The following TADA1 variants were observed in gnomAD, a reference collection of about 807,000 sequenced individuals.
The protein encoded by TADA1 is transcriptional adapter 1.
In TADA1, 23 loss-of-function variants were observed where a neutral mutation model predicts 39.3. The observed-to-expected ratio is 0.58, with a 90% CI of 0.42 to 0.83. The LOEUF (loss-of-function observed/expected upper bound fraction) is 0.83. Among genes scored for constraint, TADA1 ranks in the 40% least tolerant of loss-of-function variants. The pLI, the probability that TADA1 is intolerant of heterozygous loss-of-function variation, is 0.00. For missense variants in TADA1, 352 were observed against 408.1 expected, an observed-to-expected ratio of 0.86 and a Z score of 1.18; for synonymous variants, 137 against 151.8, an observed-to-expected ratio of 0.90 and a Z score of 0.72.
At chr1:166,869,262 AAG>A (rs988103382) in intron 3 of TADA1, 181 bp downstream of exon 3, 218 of 545,274 alleles carry the variant, frequency 4.0e-4, no homozygotes, top group African/African-American at 1.1e-3. Flanking sequence ...CTTAAAAATA[AAG>A]AGTTTCTGCT....
At chr1:166,873,954 G>A (rs534986969) in intron 1 of TADA1, among the ~76,000 whole-genome samples, 1 of 152,110 alleles carries the variant, frequency 6.6e-6, no homozygotes, top group South Asian at 2.1e-4. Flanking sequence ...CACAAGCCAG[G>A]TCCTTCAGAT....
intron 1 of TADA1, among the ~76,000 whole-genome samples, chr1:166,872,447 G>A (rs539968710): frequency 1.7e-3 from 262 of 152,246 alleles, no homozygotes; most frequent in African/African-American, 6.1e-3. Context: ...CAAGGCGGGC[G>A]GATCACCTGA....
At position 166,863,926 on chromosome 1, in the gene TADA1, G is replaced by A. The variant is rs1290356658; in HGVS notation, c.233-5C>T. 1.3e-6 allele frequency: 2 copies of A among 1,592,598 alleles called. No homozygotes were observed. The highest frequency in any genetic ancestry group is 1.4e-5 in the African/African-American group (1 of 73,216). On this transcript the variant is annotated splice_region_variant and splice_polypyrimidine_tract_variant and intron_variant, in intron 3 of 7. Transcript: ENST00000367874. Reference sequence around the variant, plus strand: ...AAGGCAAAGATCCAGCACCATCTAGGAGACAGAAATATATAACCATAAGTA... The same window carrying A: ...AAGGCAAAGATCCAGCACCATCTAGAAGACAGAAATATATAACCATAAGTA...
intron 3 of TADA1, among the ~76,000 whole-genome samples, chr1:166,865,498 A>C (rs1658508861): frequency 1.3e-5 from 2 of 151,940 alleles, no homozygotes; most frequent in Admixed American, 6.6e-5. Context: ...AAGTAACACA[A>C]CCTCACTACA....
At chr1:166,876,135 G>C (rs371449317) in intron 1 of TADA1, 25 bp downstream of exon 1, 1 of 1,603,822 alleles carries the variant, frequency 6.2e-7, no homozygotes, top group Non-Finnish European at 8.5e-7. Context: ...TGTTGGCCTG[G>C]ACGCTGTGCT....
At chr1:166,861,064 C>A (rs551919783) in intron 5 of TADA1, among the ~76,000 whole-genome samples, 1 of 152,092 alleles carries the variant, frequency 6.6e-6, no homozygotes, top group South Asian at 2.1e-4. Flanking sequence ...GTGAAAAGAA[C>A]CTTGGCTCTC....
At chr1:166,861,407 G>A (rs116393191) in intron 5 of TADA1, among the ~76,000 whole-genome samples, 14 of 152,178 alleles carry the variant, frequency 9.2e-5, no homozygotes, top group African/African-American at 3.4e-4. Flanking sequence ...AGGGCTCAGA[G>A]AATTGAAAAT....
rs1179995728 is a variant in TADA1, at chr1:166,860,258, G to A, written c.620C>T (p.Ala207Val). The stretch of plus-strand genomic sequence containing the variant: ...CTGCGGGGTCACGTTACTGCCAAAG[G>A]CATATTTAAAATGACCATCTCGTAA... Reference protein sequence around the residue: ...YRLRDGHFKYAFGSNVTPQPY... With the variant: ...YRLRDGHFKYVFGSNVTPQPY... Residue 207 changes from alanine to valine, a missense_variant, in exon 6 of 8, where the codon GCC becomes GTC. Ala to Val is a moderately conservative substitution (Grantham distance 64). Around this residue, in one of 3 missense-constraint regions of TADA1, gnomAD observed 285 missense variants for 310.9 expected, o/e 0.92. Transcript: ENST00000367874. 2.5e-6 allele frequency: 4 copies of A among 1,613,894 alleles called. No individual in the cohort carries two copies. In the African/African-American group the frequency reaches 5.3e-5, roughly 22 times the overall value.
chr1:166,874,125 G>A (rs1658715364), intron 1 of TADA1, among the ~76,000 whole-genome samples: 1 of 151,134 alleles, frequency 6.6e-6, no homozygotes, highest in Non-Finnish European at 1.5e-5. Context: ...GGTGGCTCAC[G>A]AGGTCAGGAG....
chr1:166,857,812 C>T, intron 7 of TADA1, 93 bp from the exon 8 acceptor site: 7 of 1,367,832 alleles, frequency 5.1e-6, no homozygotes, highest in South Asian at 1.4e-5. Flanking sequence ...AACATACACA[C>T]AATCTATAAA....
intron 3 of TADA1, among the ~76,000 whole-genome samples, chr1:166,865,021 G>A (rs1344318090): frequency 6.6e-6 from 1 of 151,718 alleles, no homozygotes; most frequent in African/African-American, 2.4e-5. Flanking sequence ...AACATGAAAA[G>A]GACAATAATT....
rs561870600 is a variant in TADA1 at position 166,869,543 on chromosome 1, A to C, written c.167-33T>G. On this transcript the variant is annotated intron_variant, in intron 2 of 7. Transcript: ENST00000367874. ...AGGAAAGATAGTGACAATCAAATTC[A>C]AAACATTTTCAACATAAGGAAACCA... 1.9e-6 allele frequency: 3 copies of C among 1,607,576 alleles called. No homozygotes were observed. The Admixed American group carries it at 5.0e-5, about 27-fold the overall frequency.
At chr1:166,872,399 C>T (rs548934278) in intron 1 of TADA1, among the ~76,000 whole-genome samples, 2 of 152,140 alleles carry the variant, frequency 1.3e-5, no homozygotes, top group African/African-American at 4.8e-5. Flanking sequence ...AGGCCGGGCG[C>T]GGTGGCTCAT....
At chr1:166,862,101 CAG>C in intron 5 of TADA1, 100 bp downstream of exon 5, 2 of 1,134,346 alleles carry the variant, frequency 1.8e-6, no homozygotes, top group Non-Finnish European at 2.6e-6. Context: ...TCTGTGAAAT[CAG>C]AGTGACATTT....
At position 166,869,491 on chromosome 1, in the gene TADA1, G is replaced by A; in HGVS notation, c.186C>T (p.Phe62=). ...GACAACGCGTGAGAATGGCCAGGAG[G>A]AAATCATTGTGAGAATGGACTGAAA... ...TQDNVHSHND[F]LLAILTRCQI... Residue 62 remains phenylalanine (F), a synonymous_variant, in exon 3 of 8, where the codon TTC becomes TTT. Coordinates refer to ENST00000367874, the MANE Select transcript of TADA1 (RefSeq NM_053053.4). The A allele has an allele frequency of 6.2e-7, 1 of 1,613,758 alleles. No homozygotes were observed. Among genetic ancestry groups the A allele is most frequent in the Non-Finnish European group, 8.5e-7 (1 of 1,179,772 alleles).
At chr1:166,876,002 G>A (rs1455631599) in intron 1 of TADA1, among the ~76,000 whole-genome samples, 158 bp downstream of exon 1, 1 of 152,274 alleles carries the variant, frequency 6.6e-6, no homozygotes, top group East Asian at 1.9e-4. Context: ...CAGGTGGCCC[G>A]CCCCGCCCCG....
At chr1:166,869,234 G>T in intron 3 of TADA1, 1 of 518,934 alleles carries the variant, frequency 1.9e-6, no homozygotes. Flanking sequence ...AACTGAAAAT[G>T]AGAAATCATA....
At chr1:166,862,858 A>C in intron 4 of TADA1, 1 of 185,258 alleles carries the variant, frequency 5.4e-6, no homozygotes, top group Non-Finnish European at 1.1e-5. Flanking sequence ...AGTAACAAAT[A>C]TTCCAAGATA....
chr1:166,869,097 G>A, intron 3 of TADA1: 1 of 298,402 alleles, frequency 3.4e-6, no homozygotes, highest in South Asian at 4.5e-5. Context: ...CAAAAATGGT[G>A]ATCAAATTGC....
Sources: gnomAD v4.1 joint callset for allele counts (sites outside exome capture counted in the v4.1 genomes callset) on GRCh38, gnomAD v4.1.1 for gene constraint, gnomAD v4.1.1 regional missense constraint, MANE v1.5 for transcripts, NCBI Gene and HGNC (gene_info 2026-07-23, HGNC 2026-07-21) for gene names.